Variants in FBXL17 observed in about 807,000 individuals in gnomAD.
FBXL17 encodes the protein F-box/LRR-repeat protein 17.
A neutral mutation model predicts 66.2 loss-of-function variants in FBXL17; 22 were observed. That is an observed-to-expected ratio of 0.33 (90% CI 0.24 to 0.47). FBXL17 has a LOEUF of 0.47. FBXL17 is among the 20% of genes least tolerant of loss of function. The probability of loss-of-function intolerance (pLI) is 1.00; values close to 1 mark genes in which losing one functional copy is unlikely to be tolerated. For missense variants in FBXL17, 878 were observed against 948.2 expected (o/e 0.93, Z 0.97); for synonymous variants, 474 against 400.5 (o/e 1.18, Z -2.19).
At chr5:108,190,415 T>C (rs77213101) in intron 5 of FBXL17, among the ~76,000 whole-genome samples, 1,797 of 152,248 alleles carry the variant, frequency 0.012, 37 homozygotes, top group African/African-American at 0.041. Context: ...GACAGAGATA[T>C]CTAGAAAGTG....
intron 7 of FBXL17, among the ~76,000 whole-genome samples, chr5:107,943,470 A>C (rs1346638562): frequency 6.6e-6 from 1 of 151,642 alleles, no homozygotes; most frequent in East Asian, 1.9e-4. Context: ...AGTGTTGCCA[A>C]ATTTCTTTTG....
At chr5:107,902,988 CAGTT>C (rs954535553) in intron 7 of FBXL17, among the ~76,000 whole-genome samples, 14 of 152,070 alleles carry the variant, frequency 9.2e-5, no homozygotes, top group Admixed American at 2.0e-4. Flanking sequence ...TGTTTTGTCT[CAGTT>C]AGTCATTTAT....
intron 6 of FBXL17, among the ~76,000 whole-genome samples, chr5:108,145,028 C>T (rs1029631720): frequency 1.3e-5 from 2 of 151,898 alleles, no homozygotes; most frequent in Non-Finnish European, 2.9e-5. Flanking sequence ...CTGCTAGAAC[C>T]AAGAAAAAAT....
chr5:108,145,943 G>A (rs1166053042), intron 6 of FBXL17, among the ~76,000 whole-genome samples: 1 of 152,006 alleles, frequency 6.6e-6, no homozygotes, highest in Non-Finnish European at 1.5e-5. Context: ...ATCAGGCCGG[G>A]TGCAGTGGCT....
At chr5:108,251,585 G>C (rs956706995) in intron 4 of FBXL17, among the ~76,000 whole-genome samples, 1 of 151,948 alleles carries the variant, frequency 6.6e-6, no homozygotes, top group African/African-American at 2.4e-5. Context: ...TCCTGAAACT[G>C]AGCCAAGAGA....
At chr5:108,266,587 T>C (rs192578664) in intron 4 of FBXL17, among the ~76,000 whole-genome samples, 5 of 152,258 alleles carry the variant, frequency 3.3e-5, no homozygotes, top group Admixed American at 6.5e-5. Context: ...AATTCACATA[T>C]GCCACAAATA....
At chr5:107,881,837 AAT>A (rs971554963) in intron 7 of FBXL17, among the ~76,000 whole-genome samples, 2 of 152,168 alleles carry the variant, frequency 1.3e-5, no homozygotes, top group African/African-American at 4.8e-5. Context: ...TAACATACAA[AAT>A]GAAGCCTGTC....
In FBXL17 at chr5:108,241,839, T is replaced by C. The variant is rs185553636; in HGVS notation, c.1507-17611A>G. Among the ~76,000 whole-genome samples, 35 of 152,302 alleles carry C rather than the reference T, an allele frequency of 2.3e-4. No individual in the cohort carries two copies. The East Asian group carries it at 3.1e-3, about 13-fold the overall frequency. On this transcript the variant is annotated intron_variant, in intron 4 of 8. Transcript: ENST00000542267. ...GTAACAGACTTTTCAGTGGAAACTT[T>C]ATGGGCCAGGAGAGAGTGGCATGAC...
intron 6 of FBXL17, among the ~76,000 whole-genome samples, chr5:108,114,327 C>T (rs1401742699): frequency 6.6e-6 from 1 of 152,112 alleles, no homozygotes; most frequent in African/African-American, 2.4e-5. Context: ...CCATTCAATT[C>T]CCTATAAGTT....
chr5:108,099,215 G>A (rs184978268), intron 6 of FBXL17, among the ~76,000 whole-genome samples: 86 of 152,198 alleles, frequency 5.7e-4, no homozygotes, highest in African/African-American at 1.8e-3. Context: ...GTTGATTAAT[G>A]GTTGAACTAA....
At chr5:108,350,485 C>G (rs1186555390) in intron 3 of FBXL17, among the ~76,000 whole-genome samples, 1 of 152,124 alleles carries the variant, frequency 6.6e-6, no homozygotes, top group East Asian at 1.9e-4. Flanking sequence ...TATCAACTTC[C>G]AGACTGAAAA....
chr5:107,981,518 C>CA (rs757383604), intron 7 of FBXL17, among the ~76,000 whole-genome samples: 205 of 152,348 alleles, frequency 1.3e-3, no homozygotes, highest in South Asian at 2.3e-3. Flanking sequence ...TCAGTCAGGA[C>CA]AGGCAATGGT....
At chr5:107,904,004 G>A (rs1033514281) in intron 7 of FBXL17, among the ~76,000 whole-genome samples, 3 of 152,130 alleles carry the variant, frequency 2.0e-5, no homozygotes, top group Non-Finnish European at 4.4e-5. Flanking sequence ...ACATATTTAT[G>A]AGAATTACAT....
rs1752411831 is a variant in FBXL17 at position 108,166,269 on chromosome 5, G to A, written c.1745+19848C>T. Reference sequence around the variant, plus strand: ...CATTAGCATTTTACCTGCATGCATGGGCCTGGAAAAACAGAGCAAGACCCA... The same window carrying A: ...CATTAGCATTTTACCTGCATGCATGAGCCTGGAAAAACAGAGCAAGACCCA... On this transcript the variant is annotated intron_variant, in intron 6 of 8. Coordinates refer to ENST00000542267, the MANE Select transcript of FBXL17 (RefSeq NM_001163315.3). Among the ~76,000 whole-genome samples the A allele has an allele frequency of 3.3e-5, 5 of 152,152 alleles. No individual in the cohort carries two copies. In the South Asian group the frequency reaches 1.0e-3, roughly 32 times the overall value.
intron 6 of FBXL17, among the ~76,000 whole-genome samples, chr5:108,126,821 T>C (rs970340772): frequency 4.0e-5 from 6 of 151,396 alleles, no homozygotes; most frequent in African/African-American, 1.5e-4. Context: ...TTAATTCACC[T>C]AAAGATACAT....
At chr5:107,991,057 A>C (rs1009131072) in intron 7 of FBXL17, among the ~76,000 whole-genome samples, 1 of 152,068 alleles carries the variant, frequency 6.6e-6, no homozygotes, top group African/African-American at 2.4e-5. Flanking sequence ...GCTAACACTG[A>C]TGTGTGGCAT....
intron 4 of FBXL17, among the ~76,000 whole-genome samples, chr5:108,267,787 A>G (rs1264485020): frequency 6.6e-6 from 1 of 152,102 alleles, no homozygotes; most frequent in African/African-American, 2.4e-5. Flanking sequence ...AAAAATGACT[A>G]GAACTGCTGT....
At chr5:108,113,455 T>C (rs1020451404) in intron 6 of FBXL17, among the ~76,000 whole-genome samples, 2 of 152,040 alleles carry the variant, frequency 1.3e-5, no homozygotes, top group African/African-American at 4.8e-5. Context: ...TATATATAAA[T>C]AAATTTTTCT....
intron 5 of FBXL17, among the ~76,000 whole-genome samples, chr5:108,190,473 T>C (rs1405714249): frequency 6.6e-6 from 1 of 152,194 alleles, no homozygotes; most frequent in Non-Finnish European, 1.5e-5. Context: ...CATGGGAAGA[T>C]GGGTTTAATG....
Sources: gnomAD v4.1 joint callset for allele counts (sites outside exome capture counted in the v4.1 genomes callset) on GRCh38, gnomAD v4.1.1 for gene constraint, MANE v1.5 for transcripts, NCBI Gene and HGNC (gene_info 2026-07-23, HGNC 2026-07-21) for gene names.